ASTN2: variants seen among roughly 807,000 people sequenced by gnomAD.
ASTN2 encodes the protein astrotactin 2, also known as astrotactin-2.
Under a neutral mutation model 139.8 loss-of-function variants are expected in ASTN2, and 54 were observed. The observed-to-expected ratio is 0.39, with a 90% CI of 0.31 to 0.48. The LOEUF is 0.48. Among genes scored for constraint, ASTN2 ranks in the 20% least tolerant of loss-of-function variants. The pLI, the probability that ASTN2 is intolerant of heterozygous loss-of-function variation, is 0.95. For synonymous variants in ASTN2, 756 were observed against 719.5 expected (o/e 1.05, Z -0.81); for missense variants, 1,565 against 1,725.1 (o/e 0.91, Z 1.64).
chr9:117,166,242 T>C (rs1160902501), intron 3 of ASTN2, among the ~76,000 whole-genome samples: 1 of 151,898 alleles, frequency 6.6e-6, no homozygotes, highest in East Asian at 1.9e-4. Flanking sequence ...AAAAAACAAA[T>C]ATGCAGGTAT....
chr9:116,768,100 A>C (rs910591714), intron 13 of ASTN2, among the ~76,000 whole-genome samples: 1 of 152,234 alleles, frequency 6.6e-6, no homozygotes, highest in Non-Finnish European at 1.5e-5. Flanking sequence ...CAAGTAAAAA[A>C]GACAATTAGA....
At position 116,425,773 on chromosome 9, in the gene ASTN2, C is replaced by A; in HGVS notation, c.*78G>T. 1 of 1,606,604 alleles carries A rather than the reference C, an allele frequency of 6.2e-7. No homozygotes were observed. The highest frequency in any genetic ancestry group is 1.7e-5 in the Admixed American group (1 of 59,676). On this transcript the variant is annotated 3_prime_UTR_variant, in exon 23 of 23. Coordinates refer to ENST00000313400, the MANE Select transcript of ASTN2 (RefSeq NM_001365068.1). The stretch of plus-strand genomic sequence containing the variant: ...CATCCTCAGCTGTCCCCCAGCCCAC[C>A]CAGGCCCCAGGATCCAGGAGAATAC...
intron 13 of ASTN2, among the ~76,000 whole-genome samples, chr9:116,767,266 T>G (rs1357344818): frequency 6.6e-6 from 1 of 152,010 alleles, no homozygotes; most frequent in African/African-American, 2.4e-5. Context: ...ACTCACACCC[T>G]AGGTACCCTC....
chr9:117,125,172 C>G (rs981620780), intron 4 of ASTN2, among the ~76,000 whole-genome samples: 7 of 152,132 alleles, frequency 4.6e-5, no homozygotes, highest in Non-Finnish European at 1.0e-4. Context: ...AATCTCTTTG[C>G]AAAGCTTGTC....
intron 2 of ASTN2, among the ~76,000 whole-genome samples, chr9:117,261,703 G>A (rs1463387409): frequency 6.6e-6 from 1 of 152,124 alleles, no homozygotes; most frequent in Non-Finnish European, 1.5e-5. Context: ...GCATTTGACT[G>A]GAAATGTATC....
chr9:117,403,085 C>T (rs1400148774), intron 1 of ASTN2, among the ~76,000 whole-genome samples: 1 of 152,152 alleles, frequency 6.6e-6, no homozygotes, highest in Non-Finnish European at 1.5e-5. Flanking sequence ...CAGAGGTTTT[C>T]TAGGTAAAGG....
At chr9:116,772,287 G>A (rs973640228) in intron 13 of ASTN2, among the ~76,000 whole-genome samples, 1 of 152,146 alleles carries the variant, frequency 6.6e-6, no homozygotes, top group East Asian at 1.9e-4. Flanking sequence ...TTCCCATGCT[G>A]TTCTTGTGAT....
intron 1 of ASTN2, among the ~76,000 whole-genome samples, chr9:117,371,224 C>T (rs184324481): frequency 6.6e-6 from 1 of 152,134 alleles, no homozygotes; most frequent in Non-Finnish European, 1.5e-5. Context: ...ATCAAATACC[C>T]ATAACAATCC....
At chr9:116,974,709 A>G (rs1298435069) in intron 10 of ASTN2, among the ~76,000 whole-genome samples, 2 of 152,036 alleles carry the variant, frequency 1.3e-5, no homozygotes, top group Non-Finnish European at 1.5e-5. Flanking sequence ...AAGTTTCACC[A>G]TGTTGGCCAG....
At chr9:116,697,882 G>A in intron 16 of ASTN2, 1 of 1,614,208 alleles carries the variant, frequency 6.2e-7, no homozygotes, top group Non-Finnish European at 8.5e-7. Flanking sequence ...TGCCGCCAGT[G>A]CCTGGAGAAG....
intron 19 of ASTN2, among the ~76,000 whole-genome samples, chr9:116,567,208 C>T (rs1370836557): frequency 6.6e-6 from 1 of 152,194 alleles, no homozygotes; most frequent in Non-Finnish European, 1.5e-5. Context: ...TAAATACTTC[C>T]ACCCTGGCCA....
intron 11 of ASTN2, among the ~76,000 whole-genome samples, chr9:116,861,126 C>G (rs1189417644): frequency 3.3e-5 from 5 of 151,704 alleles, no homozygotes; most frequent in South Asian, 2.1e-4. Context: ...TTCTCTTATC[C>G]CCTAGGGAAT....
At chr9:116,560,231 C>T (rs903769844) in intron 19 of ASTN2, among the ~76,000 whole-genome samples, 1 of 152,158 alleles carries the variant, frequency 6.6e-6, no homozygotes, top group Non-Finnish European at 1.5e-5. Flanking sequence ...CACATAACAG[C>T]CCAGTGGCAT....
rs144093917 is a variant in ASTN2 at position 117,367,116 on chromosome 9, C to T, written c.442+47381G>A. Among the ~76,000 whole-genome samples, 317 of 152,268 alleles carry T rather than the reference C, an allele frequency of 2.1e-3. 3 individuals carry two copies. The highest frequency in any genetic ancestry group is 7.2e-3 in the African/African-American group (299 of 41,552). On this transcript the variant is annotated intron_variant, in intron 1 of 22. Transcript: ENST00000313400. The stretch of plus-strand genomic sequence containing the variant: ...GTGAGCACTCTACTAAGGACATTCT[C>T]ACAGCAGAATAGAGGCTGTCTTACA...
At chr9:116,758,265 T>A (rs1427505951) in intron 13 of ASTN2, among the ~76,000 whole-genome samples, 1 of 152,172 alleles carries the variant, frequency 6.6e-6, no homozygotes, top group Non-Finnish European at 1.5e-5. Context: ...GAAAAAGGCC[T>A]CGCACAAAGA....
chr9:117,200,056 CT>C (rs541328432), intron 3 of ASTN2, among the ~76,000 whole-genome samples: 162 of 150,584 alleles, frequency 1.1e-3, no homozygotes, highest in African/African-American at 3.4e-3. Flanking sequence ...ATGGAGTTTT[CT>C]TTTTTTTATT....
chr9:116,765,642 A>G (rs1362704665), intron 13 of ASTN2, among the ~76,000 whole-genome samples: 1 of 152,180 alleles, frequency 6.6e-6, no homozygotes, highest in East Asian at 1.9e-4. Context: ...GATTAAATGA[A>G]TTATAAGTCT....
Position 116,623,762 on chromosome 9 carries a change from C to A in ASTN2, c.3073-3319G>T, listed in dbSNP as rs10817914. On this transcript the variant is annotated intron_variant, in intron 17 of 22. Transcript: ENST00000313400. ...CAATACCCACTTACAGAAAAGCGTG[C>A]AGGAGCAGGGAGGGACTTGAACTAA... 1.1e-4 allele frequency among the ~76,000 whole-genome samples: 17 copies of A among 152,050 alleles called. 1 individual carries two copies. The highest frequency in any genetic ancestry group is 1.5e-5 in the Non-Finnish European group (1 of 68,020).
At chr9:117,143,397 A>G (rs928833145) in intron 3 of ASTN2, among the ~76,000 whole-genome samples, 4 of 152,228 alleles carry the variant, frequency 2.6e-5, no homozygotes, top group African/African-American at 9.6e-5. Context: ...AAACCCAGAG[A>G]GAAAAGTGCT....
Sources: gnomAD v4.1 joint callset for allele counts (sites outside exome capture counted in the v4.1 genomes callset) on GRCh38, gnomAD v4.1.1 for gene constraint, MANE v1.5 for transcripts, NCBI Gene and HGNC (gene_info 2026-07-23, HGNC 2026-07-21) for gene names.